PPP1R9A: variants seen among roughly 807,000 people sequenced by gnomAD.
PPP1R9A encodes protein phosphatase 1 regulatory subunit 9A, also known as neurabin-1.
PPP1R9A carries 59 observed loss-of-function variants against 141.9 expected under a neutral mutation model. That is an observed-to-expected ratio of 0.42 (90% CI 0.34 to 0.52). PPP1R9A has a LOEUF of 0.52. Among genes scored for constraint, PPP1R9A ranks in the 20% least tolerant of loss-of-function variants. PPP1R9A has a pLI of 0.10. For synonymous variants in PPP1R9A, 500 were observed against 569.7 expected (o/e 0.88, Z 1.74); for missense variants, 1,444 against 1,611.9 (o/e 0.90, Z 1.78).
intron 2 of PPP1R9A, among the ~76,000 whole-genome samples, chr7:95,048,792 A>T (rs560080756): frequency 6.6e-6 from 1 of 151,836 alleles, no homozygotes; most frequent in East Asian, 1.9e-4. Context: ...TGATCTGCGC[A>T]CCTCAGCCTC....
intron 2 of PPP1R9A, among the ~76,000 whole-genome samples, chr7:94,979,935 A>G (rs1799887228): frequency 6.6e-6 from 1 of 152,080 alleles, no homozygotes; most frequent in Non-Finnish European, 1.5e-5. Context: ...GTACCTTTTT[A>G]GTATTTACCT....
intron 2 of PPP1R9A, among the ~76,000 whole-genome samples, chr7:95,033,218 G>A (rs1349537997): frequency 3.1e-5 from 4 of 129,748 alleles, no homozygotes; most frequent in Non-Finnish European, 6.4e-5. Context: ...TTTTCACCGT[G>A]TTAGCCAGGA....
intron 5 of PPP1R9A, among the ~76,000 whole-genome samples, chr7:95,191,602 TTAACACAA>T (rs1835512299): frequency 6.6e-6 from 1 of 152,126 alleles, no homozygotes; most frequent in African/African-American, 2.4e-5. Flanking sequence ...GTAATTTTGT[TTAACACAA>T]TAAAAAACCA....
intron 3 of PPP1R9A, among the ~76,000 whole-genome samples, chr7:95,116,389 G>A (rs1045738350): frequency 6.6e-6 from 1 of 152,064 alleles, no homozygotes; most frequent in African/African-American, 2.4e-5. Flanking sequence ...TGTGGAGGAA[G>A]AGGTTACATT....
At chr7:95,226,179 G>C in intron 8 of PPP1R9A, 63 bp downstream of exon 8, 1 of 1,447,682 alleles carries the variant, frequency 6.9e-7, no homozygotes, top group Non-Finnish European at 9.3e-7. Context: ...ATATATTTCT[G>C]TTCAAATAAT....
At chr7:95,216,978 G>T (rs1290584134) in intron 7 of PPP1R9A, among the ~76,000 whole-genome samples, 1 of 151,970 alleles carries the variant, frequency 6.6e-6, no homozygotes, top group Non-Finnish European at 1.5e-5. Flanking sequence ...CTGCCTGATT[G>T]CCCTGGCCAG....
At position 95,225,994 on chromosome 7, in the gene PPP1R9A, G is replaced by A. The variant is rs1303439786; in HGVS notation, c.1990G>A (p.Glu664Lys). ...ATATGCCACAGATGAAGAAGAAGATGAGGTAGGACCTGTCCTTCCTGGCAG... is the reference window on the plus strand; with the variant it reads ...ATATGCCACAGATGAAGAAGAAGATAAGGTAGGACCTGTCCTTCCTGGCAG... ...GEYATDEEED[E>K]VGPVLPGSDM... Residue 664 changes from glutamate to lysine, a missense_variant, in exon 8 of 20, where the codon GAG becomes AAG. Transcript: ENST00000433360. The A allele has an allele frequency of 2.5e-6, 4 of 1,611,574 alleles. No individual in the cohort carries two copies. The highest frequency in any genetic ancestry group is 3.4e-6 in the Non-Finnish European group (4 of 1,178,136).
At chr7:95,202,638 G>C (rs1789826057) in intron 6 of PPP1R9A, 1 of 895,522 alleles carries the variant, frequency 1.1e-6, no homozygotes, top group South Asian at 5.2e-5. Flanking sequence ...CGGGGGGTAT[G>C]ATAAATTTTT....
At chr7:95,003,669 C>G (rs1307438065) in intron 2 of PPP1R9A, among the ~76,000 whole-genome samples, 2 of 152,170 alleles carry the variant, frequency 1.3e-5, no homozygotes, top group African/African-American at 2.4e-5. Context: ...TCAACCCTGG[C>G]TACTCTTTAC....
intron 2 of PPP1R9A, among the ~76,000 whole-genome samples, chr7:94,982,457 C>T (rs547678709): frequency 6.6e-6 from 1 of 152,302 alleles, no homozygotes; most frequent in South Asian, 2.1e-4. Context: ...TAAAAGTGTT[C>T]CCATTTCTCC....
intron 4 of PPP1R9A, among the ~76,000 whole-genome samples, chr7:95,121,722 T>A (rs1379364068): frequency 1.3e-5 from 2 of 152,108 alleles, no homozygotes; most frequent in East Asian, 3.9e-4. Flanking sequence ...ACCCTCCAGC[T>A]GAGTCATCCC....
At chr7:95,093,644 A>C (rs1817645780) in intron 2 of PPP1R9A, among the ~76,000 whole-genome samples, 1 of 152,210 alleles carries the variant, frequency 6.6e-6, no homozygotes, top group African/African-American at 2.4e-5. Flanking sequence ...TCAAAAGGAG[A>C]GAAGTCTTTT....
chr7:95,186,871 T>A (rs1486042942), intron 5 of PPP1R9A, among the ~76,000 whole-genome samples: 1 of 152,206 alleles, frequency 6.6e-6, no homozygotes, highest in Admixed American at 6.5e-5. Context: ...CACTTGATCA[T>A]GGTGGATTAT....
At chr7:94,934,743 G>A (rs759867261) in intron 2 of PPP1R9A, among the ~76,000 whole-genome samples, 31 of 151,328 alleles carry the variant, frequency 2.0e-4, no homozygotes, top group Non-Finnish European at 3.7e-4. Context: ...ACATATATAC[G>A]TCTATATACA....
At chr7:95,047,958 A>G (rs1213475478) in intron 2 of PPP1R9A, among the ~76,000 whole-genome samples, 1 of 152,190 alleles carries the variant, frequency 6.6e-6, no homozygotes, top group Non-Finnish European at 1.5e-5. Flanking sequence ...ATTCAGTTTT[A>G]TTTGTATTAT....
At chr7:95,103,983 G>A (rs1214270916) in intron 2 of PPP1R9A, among the ~76,000 whole-genome samples, 1 of 152,144 alleles carries the variant, frequency 6.6e-6, no homozygotes, top group African/African-American at 2.4e-5. Flanking sequence ...TTTCAATCAT[G>A]AATCCACACA....
chr7:95,054,908 T>C lies in PPP1R9A; in HGVS notation c.1396-56351T>C, dbSNP rs1224947288. 3.3e-5 allele frequency among the ~76,000 whole-genome samples: 5 copies of C among 152,226 alleles called. No individual in the cohort carries two copies. In the East Asian group the frequency reaches 9.6e-4, roughly 29 times the overall value. On this transcript the variant is annotated intron_variant, in intron 2 of 19. Transcript: ENST00000433360. Reference sequence around the variant, plus strand: ...TGCTTAGCACAGGGCCTATTTGTAATGTTCAAAAATGTTCTTTGAATAAAT... The same window carrying C: ...TGCTTAGCACAGGGCCTATTTGTAACGTTCAAAAATGTTCTTTGAATAAAT...
intron 7 of PPP1R9A, among the ~76,000 whole-genome samples, chr7:95,205,268 C>T (rs895728791): frequency 6.6e-6 from 1 of 152,068 alleles, no homozygotes; most frequent in East Asian, 1.9e-4. Flanking sequence ...TTTTCCTTCC[C>T]ACTGCCACAT....
intron 2 of PPP1R9A, among the ~76,000 whole-genome samples, chr7:95,091,958 A>G (rs1187266613): frequency 6.6e-6 from 1 of 151,772 alleles, no homozygotes; most frequent in African/African-American, 2.4e-5. Flanking sequence ...GTCATCTGTG[A>G]GCCTGAAGTT....
Sources: gnomAD v4.1 joint callset for allele counts (sites outside exome capture counted in the v4.1 genomes callset) on GRCh38, gnomAD v4.1.1 for gene constraint, MANE v1.5 for transcripts, NCBI Gene and HGNC (gene_info 2026-07-23, HGNC 2026-07-21) for gene names.